Variants in CPVL observed in about 807,000 individuals in gnomAD.
CPVL encodes carboxypeptidase vitellogenic like, also known as probable serine carboxypeptidase CPVL.
Under a neutral mutation model 63.7 loss-of-function variants are expected in CPVL, and 51 were observed. That is an observed-to-expected ratio of 0.80 (90% CI 0.64 to 1.01). The LOEUF is 1.01. Among genes scored for constraint, CPVL ranks in the 50% least tolerant of loss-of-function variants. The pLI, the probability that CPVL is intolerant of heterozygous loss-of-function variation, is 0.00. For synonymous variants in CPVL, 195 were observed against 206.0 expected, an observed-to-expected ratio of 0.95 and a Z score of 0.46; for missense variants, 530 against 573.1, an observed-to-expected ratio of 0.92 and a Z score of 0.77.
chr7:29,044,288 G>A (rs192936124), intron 11 of CPVL, among the ~76,000 whole-genome samples: 2 of 152,122 alleles, frequency 1.3e-5, no homozygotes, highest in Non-Finnish European at 2.9e-5. Flanking sequence ...ATGGTGGCAG[G>A]CACCGGTAAT....
intron 1 of CPVL, chr7:29,194,834 C>A: frequency 9.4e-7 from 1 of 1,066,984 alleles, no homozygotes; most frequent in Non-Finnish European, 1.2e-6. Context: ...GTCCCCAGGA[C>A]TTTGCCATGG....
intron 1 of CPVL, among the ~76,000 whole-genome samples, chr7:29,189,829 G>C (rs1782658817): frequency 6.6e-6 from 1 of 152,084 alleles, no homozygotes; most frequent in Non-Finnish European, 1.5e-5. Context: ...ATACCCCCAA[G>C]CCCCCCTGCA....
At chr7:29,036,777 GTAA>G (rs1322942842) in intron 11 of CPVL, among the ~76,000 whole-genome samples, 1 of 152,208 alleles carries the variant, frequency 6.6e-6, no homozygotes, top group Non-Finnish European at 1.5e-5. Context: ...AAGTTTTTGA[GTAA>G]TAATAAGACT....
chr7:29,135,202 C>A (rs1791078947), intron 1 of CPVL, among the ~76,000 whole-genome samples: 2 of 151,624 alleles, frequency 1.3e-5, no homozygotes, highest in South Asian at 4.2e-4. Context: ...TTAAAGGAAC[C>A]ATCAAGTTCC....
intron 1 of CPVL, among the ~76,000 whole-genome samples, chr7:29,128,991 C>A (rs1313380670): frequency 6.6e-6 from 1 of 152,134 alleles, no homozygotes; most frequent in African/African-American, 2.4e-5. Flanking sequence ...TATCTTCCTT[C>A]ATCTGTGTTA....
intron 9 of CPVL, among the ~76,000 whole-genome samples, chr7:29,066,845 G>A (rs1028719401): frequency 6.6e-6 from 1 of 152,212 alleles, no homozygotes; most frequent in Admixed American, 6.5e-5. Context: ...TCAGCTGTGT[G>A]GAGACAAGCA....
intron 2 of CPVL, among the ~76,000 whole-genome samples, chr7:29,114,088 G>C (rs1024610518): frequency 6.6e-6 from 1 of 152,152 alleles, no homozygotes; most frequent in Admixed American, 6.5e-5. Context: ...TCTTTTCCCA[G>C]CTCAGCATTC....
chr7:29,143,946 C>T (rs923503773), intron 1 of CPVL, among the ~76,000 whole-genome samples: 5 of 152,184 alleles, frequency 3.3e-5, no homozygotes, highest in South Asian at 2.1e-4. Flanking sequence ...AGTTCAGATA[C>T]GCTGTAACAG....
intron 3 of CPVL, among the ~76,000 whole-genome samples, chr7:29,101,327 G>A (rs181282265): frequency 1.4e-4 from 22 of 152,294 alleles, no homozygotes; most frequent in African/African-American, 2.4e-4. Flanking sequence ...GTGGCTGGGC[G>A]CGGTGGCTCA....
intron 1 of CPVL, among the ~76,000 whole-genome samples, chr7:29,144,049 T>C (rs1792183161): frequency 1.3e-5 from 2 of 152,206 alleles, no homozygotes; most frequent in Admixed American, 6.5e-5. Context: ...ACCAGGAAAG[T>C]ACAGTTCTTA....
intron 9 of CPVL, among the ~76,000 whole-genome samples, chr7:29,066,525 G>A (rs1783153164): frequency 6.6e-6 from 1 of 152,194 alleles, no homozygotes; most frequent in South Asian, 2.1e-4. Flanking sequence ...CACTTAGAAG[G>A]TGGCATTTGA....
At chr7:29,092,841 G>A in intron 5 of CPVL, 139 bp from the exon 6 acceptor site, 1 of 665,744 alleles carries the variant, frequency 1.5e-6, no homozygotes, top group Non-Finnish European at 2.7e-6. Context: ...GCCCCCCTAT[G>A]CCTTTAGCCC....
chr7:29,032,085 C>G (rs1261377234), intron 11 of CPVL, among the ~76,000 whole-genome samples: 1 of 152,146 alleles, frequency 6.6e-6, no homozygotes, highest in African/African-American at 2.4e-5. Context: ...TCGGCCTCAA[C>G]TCCATGCTAC....
At chr7:29,174,388 G>C (rs1796997970) in intron 5 of CPVL, among the ~76,000 whole-genome samples, 1 of 152,130 alleles carries the variant, frequency 6.6e-6, no homozygotes, top group South Asian at 2.1e-4. Flanking sequence ...AAAGCTTTTC[G>C]AGGCCTGGAG....
chr7:28,998,851 C>A (rs1202526050), intron 12 of CPVL, among the ~76,000 whole-genome samples: 1 of 151,472 alleles, frequency 6.6e-6, no homozygotes, highest in African/African-American at 2.4e-5. Context: ...CCTAAACTAC[C>A]CTAGAACATG....
At chr7:29,141,259 GTA>G (rs1791841450) in intron 1 of CPVL, among the ~76,000 whole-genome samples, 1 of 152,202 alleles carries the variant, frequency 6.6e-6, no homozygotes, top group Non-Finnish European at 1.5e-5. Context: ...AAGATTTAAA[GTA>G]TGCCCTCAGA....
At chr7:29,050,238 G>C (rs1158951159) in intron 11 of CPVL, among the ~76,000 whole-genome samples, 1 of 152,066 alleles carries the variant, frequency 6.6e-6, no homozygotes, top group African/African-American at 2.4e-5. Context: ...TGTTATGATA[G>C]TTTACCTTGA....
At chr7:29,100,272 A>G (rs1408245319) in intron 3 of CPVL, among the ~76,000 whole-genome samples, 1 of 152,186 alleles carries the variant, frequency 6.6e-6, no homozygotes, top group Non-Finnish European at 1.5e-5. Flanking sequence ...CAATGTGCTC[A>G]TTAAAACATT....
intron 1 of CPVL, among the ~76,000 whole-genome samples, chr7:29,130,792 A>C (rs1055593888): frequency 6.6e-6 from 1 of 152,234 alleles, no homozygotes; most frequent in African/African-American, 2.4e-5. Flanking sequence ...ATTCTGAATA[A>C]ACTGGATTGT....
Sources: allele counts gnomAD v4.1 joint callset (sites outside exome capture counted in the v4.1 genomes callset), GRCh38; gene constraint gnomAD v4.1.1; transcripts MANE v1.5; gene names NCBI Gene and HGNC (gene_info 2026-07-23, HGNC 2026-07-21).